The following VCL variants were observed in gnomAD, a reference collection of about 807,000 sequenced individuals.
VCL encodes vinculin, also known as epididymis luminal protein 114.
In VCL, 47 loss-of-function variants were observed where a neutral mutation model predicts 125.7. That is an observed-to-expected ratio of 0.37 (90% CI 0.30 to 0.48). VCL has a LOEUF of 0.48. Among genes scored for constraint, VCL ranks in the 20% least tolerant of loss-of-function variants. The pLI is 0.99. For missense variants in VCL, 1,069 were observed against 1,455.5 expected (o/e 0.73, Z 4.32); for synonymous variants, 458 against 514.6 (o/e 0.89, Z 1.49).
At chr10:74,112,138 G>GGCT (rs1344046736) in intron 19 of VCL, 26 bp downstream of exon 19, 1 of 1,613,962 alleles carries the variant, frequency 6.2e-7, no homozygotes, top group East Asian at 2.2e-5. Context: ...CCCAGTTGGG[G>GGCT]GCTGCTCCAT....
In VCL at chr10:74,074,713, A is replaced by G. The variant is rs200699818; in HGVS notation, c.623-30A>G. 2.5e-3 allele frequency: 4,095 copies of G among 1,608,522 alleles called. 12 individuals carry two copies. The highest frequency in any genetic ancestry group is 0.011 in the Middle Eastern group (63 of 5,810). ...TGTTATACAACAAGATTAAATTCCA[A>G]GCTTACTTTCTGATCTTTTATTTTT... On this transcript the variant is annotated intron_variant, in intron 5 of 21. Transcript: ENST00000211998.
intron 1 of VCL, among the ~76,000 whole-genome samples, chr10:74,022,265 G>A (rs994233420): frequency 2.6e-5 from 4 of 152,068 alleles, no homozygotes; most frequent in Non-Finnish European, 5.9e-5. Context: ...AAAACTTCAG[G>A]CCAGGCACGG....
Position 74,022,541 on chromosome 10 carries a change from G to A in VCL, c.169-20542G>A, listed in dbSNP as rs113623154. On this transcript the variant is annotated intron_variant, in intron 1 of 21. Transcript: ENST00000211998. ...AGCTTGGGTGACAGAGCGAGACTCC[G>A]TCTCAAGAAAAAATAAAATACAATA... Among the ~76,000 whole-genome samples, 1,412 of 151,170 alleles carry A rather than the reference G, an allele frequency of 9.3e-3. 15 individuals are homozygous for A. Among genetic ancestry groups the A allele is most frequent in the Non-Finnish European group, 0.014 (957 of 67,844 alleles).
At chr10:74,002,665 C>T (rs924209920) in intron 1 of VCL, among the ~76,000 whole-genome samples, 8 of 151,280 alleles carry the variant, frequency 5.3e-5, no homozygotes, top group Non-Finnish European at 8.8e-5. Context: ...GGGCTGATCA[C>T]GAGGTCAAGA....
intron 1 of VCL, among the ~76,000 whole-genome samples, chr10:74,000,158 A>G (rs1050525817): frequency 2.2e-5 from 3 of 139,358 alleles, no homozygotes; most frequent in African/African-American, 8.9e-5. Context: ...CACTGCAATA[A>G]ATCAGTGCTT....
rs1386638899 is a variant in VCL, at chr10:74,116,702, T to TAA, written c.3259-1320_3259-1319dup. Among the ~76,000 whole-genome samples the TAA allele has an allele frequency of 4.7e-4, 68 of 144,402 alleles. 1 individual carries two copies. In the Middle Eastern group the frequency reaches 0.011, roughly 23 times the overall value. 94.7% of individuals were successfully genotyped at this position (144,402 alleles called of 152,430 possible). A position where few individuals can be genotyped will look rare whatever the true frequency, so the allele number is the denominator to read the frequency against. ...ACTCCGTCTCAAAAAAAAAAAATAA[T>TAA]AATAAAATAAAATAAAATAAACAAC... On this transcript the variant is annotated intron_variant, in intron 21 of 21. Transcript: ENST00000211998.
chr10:74,108,355 T>C (rs1046843869), intron 17 of VCL, among the ~76,000 whole-genome samples: 3 of 152,226 alleles, frequency 2.0e-5, no homozygotes, highest in Admixed American at 6.5e-5. Context: ...GTAGCTGCTT[T>C]CTGGTAGAAC....
intron 6 of VCL, among the ~76,000 whole-genome samples, chr10:74,079,108 A>G (rs1223956451): frequency 6.6e-6 from 1 of 152,212 alleles, no homozygotes; most frequent in African/African-American, 2.4e-5. Flanking sequence ...CTAGGAAAGC[A>G]CGTACAAATG....
intron 2 of VCL, among the ~76,000 whole-genome samples, chr10:74,049,394 G>A (rs1841256266): frequency 6.6e-6 from 1 of 152,072 alleles, no homozygotes; most frequent in South Asian, 2.1e-4. Flanking sequence ...AAACACTACT[G>A]CAGAGAAATT....
In VCL at chr10:74,114,408, C is replaced by CGTGT. The variant is rs3037359; in HGVS notation, c.3153+47_3153+50dup. On this transcript the variant is annotated intron_variant, in intron 20 of 21. Coordinates refer to ENST00000211998, the MANE Select transcript of VCL (RefSeq NM_014000.3). ...TACAGGTACTCGGGGAAAGAGGCTGCGTGTGTGTGTGTGTGTGTGTGTGTG... is the reference window on the plus strand; with the variant it reads ...TACAGGTACTCGGGGAAAGAGGCTGCGTGTGTGTGTGTGTGTGTGTGTGTGTGTG... 1,241 of 1,451,810 alleles carry CGTGT rather than the reference C, an allele frequency of 8.5e-4. 6 individuals are homozygous for CGTGT. The African/African-American group carries it at 0.013, about 15-fold the overall frequency. 89.9% of individuals were successfully genotyped at this position (1,451,810 alleles called of 1,614,324 possible).
chr10:74,005,832 A>T (rs1023977542), intron 1 of VCL, among the ~76,000 whole-genome samples: 5 of 152,104 alleles, frequency 3.3e-5, no homozygotes, highest in Non-Finnish European at 7.4e-5. Context: ...ATAAATAGTT[A>T]TACTGTTTTT....
intron 13 of VCL, among the ~76,000 whole-genome samples, chr10:74,099,515 T>C (rs1380705965): frequency 6.6e-6 from 1 of 152,192 alleles, no homozygotes; most frequent in Non-Finnish European, 1.5e-5. Context: ...TGTTTTCGAG[T>C]GCTTTTTTCT....
intron 2 of VCL, among the ~76,000 whole-genome samples, chr10:74,057,291 G>T (rs1006076069): frequency 1.3e-5 from 2 of 152,002 alleles, no homozygotes; most frequent in African/African-American, 4.8e-5. Context: ...ATAAATTCCA[G>T]TGAATTGATA....
chr10:74,031,205 A>G (rs1840867435), intron 1 of VCL, among the ~76,000 whole-genome samples: 1 of 152,118 alleles, frequency 6.6e-6, no homozygotes, highest in Non-Finnish European at 1.5e-5. Context: ...CCATTACCCC[A>G]CAGTTACAGT....
chr10:74,098,965 C>T (rs891936843), intron 13 of VCL, among the ~76,000 whole-genome samples: 7 of 152,292 alleles, frequency 4.6e-5, no homozygotes, highest in African/African-American at 1.4e-4. Context: ...CTTCCCCACA[C>T]CCGTTCATAC....
At chr10:74,037,520 T>C (rs1841004449) in intron 1 of VCL, among the ~76,000 whole-genome samples, 2 of 152,220 alleles carry the variant, frequency 1.3e-5, no homozygotes, top group South Asian at 2.1e-4. Flanking sequence ...TTTGAATAAA[T>C]GGGCAGGTCA....
rs544074009 is a variant in VCL, at chr10:74,095,246, A to C, written c.1544-410A>C. 6.6e-5 allele frequency among the ~76,000 whole-genome samples: 10 copies of C among 152,350 alleles called. No individual in the cohort carries two copies. The South Asian group carries it at 2.1e-3, about 32-fold the overall frequency. On this transcript the variant is annotated intron_variant, in intron 11 of 21. Coordinates refer to ENST00000211998, the MANE Select transcript of VCL (RefSeq NM_014000.3). The stretch of plus-strand genomic sequence containing the variant: ...TTGTTAATATGATAAAATATTACAT[A>C]GATTTTAGATCATGATTTTAAAAGA...
At chr10:74,072,666 T>G in intron 4 of VCL, 64 bp from the exon 5 acceptor site, 1 of 1,612,638 alleles carries the variant, frequency 6.2e-7, no homozygotes, top group Non-Finnish European at 8.5e-7. Flanking sequence ...GGATTTAGAC[T>G]GAGAAAGCCA....
intron 1 of VCL, among the ~76,000 whole-genome samples, chr10:74,038,536 A>T (rs142034176): frequency 6.6e-6 from 1 of 152,356 alleles, no homozygotes; most frequent in African/African-American, 2.4e-5. Context: ...TGTATTGAGC[A>T]ATCATGGATA....
Sources: gnomAD v4.1 joint callset for allele counts (sites outside exome capture counted in the v4.1 genomes callset) on GRCh38, gnomAD v4.1.1 for gene constraint, MANE v1.5 for transcripts, NCBI Gene and HGNC (gene_info 2026-07-23, HGNC 2026-07-21) for gene names.